The following SLC14A2 variants were observed in gnomAD, a reference collection of about 807,000 sequenced individuals.
The protein encoded by SLC14A2 is urea transporter 2.
A neutral mutation model predicts 104.6 loss-of-function variants in SLC14A2; 91 were observed. The observed-to-expected ratio is 0.87, with a 90% CI of 0.73 to 1.04. SLC14A2 has a LOEUF of 1.04. Among genes scored for constraint, SLC14A2 ranks in the 50% least tolerant of loss-of-function variants. The probability of loss-of-function intolerance (pLI) is 0.00; values close to 1 mark genes in which losing one functional copy is unlikely to be tolerated. For missense variants in SLC14A2, 1,189 were observed against 1,156.0 expected, an observed-to-expected ratio of 1.03 and a Z score of -0.41; for synonymous variants, 476 against 466.4, an observed-to-expected ratio of 1.02 and a Z score of -0.27.
At chr18:45,628,553 G>C (rs1455585537) in intron 4 of SLC14A2, among the ~76,000 whole-genome samples, 2 of 152,064 alleles carry the variant, frequency 1.3e-5, no homozygotes, top group Non-Finnish European at 2.9e-5. Flanking sequence ...CTTTTAACAA[G>C]GTCCTCCTAG....
chr18:45,525,412 T>C (rs536547049), intron 2 of SLC14A2, among the ~76,000 whole-genome samples: 8 of 152,322 alleles, frequency 5.3e-5, no homozygotes, highest in African/African-American at 1.9e-4. Flanking sequence ...GCATCCACCA[T>C]GCATGTCTTG....
intron 7 of SLC14A2, among the ~76,000 whole-genome samples, chr18:45,640,637 AT>A (rs1251755064): frequency 1.3e-5 from 2 of 152,150 alleles, no homozygotes; most frequent in African/African-American, 4.8e-5. Flanking sequence ...TTTTTCAAAG[AT>A]TTTTTTGGAA....
intron 1 of SLC14A2, among the ~76,000 whole-genome samples, chr18:45,425,310 A>G (rs978765429): frequency 1.3e-5 from 2 of 152,210 alleles, no homozygotes; most frequent in Admixed American, 6.5e-5. Flanking sequence ...TTAATTCTAC[A>G]TGGCATGGCT....
Position 45,276,669 on chromosome 18 carries a change from G to A in SLC14A2, c.-125+63478G>A, listed in dbSNP as rs577933183. On this transcript the variant is annotated intron_variant, in intron 1 of 20. Transcript: ENST00000586448. The stretch of plus-strand genomic sequence containing the variant: ...TGAGTTAGAATACAATTTGGAACAA[G>A]CTTAAAGTAAATTGTATTCCTAAGC... Among the ~76,000 whole-genome samples the A allele has an allele frequency of 7.2e-5, 11 of 152,328 alleles. No individual in the cohort carries two copies. In the East Asian group the frequency reaches 1.9e-3, roughly 27 times the overall value.
At chr18:45,497,384 T>C (rs2043116662) in intron 2 of SLC14A2, among the ~76,000 whole-genome samples, 1 of 152,188 alleles carries the variant, frequency 6.6e-6, no homozygotes, top group Non-Finnish European at 1.5e-5. Context: ...ACGTTTCTTA[T>C]CCTGTGTGGG....
chr18:45,442,560 G>A (rs987020675), intron 1 of SLC14A2, among the ~76,000 whole-genome samples: 1 of 151,964 alleles, frequency 6.6e-6, no homozygotes, highest in African/African-American at 2.4e-5. Context: ...AGGTTATGTT[G>A]GATTAGGAGC....
At chr18:45,614,452 T>C (rs1381186874), upstream of SLC14A2, among the ~76,000 whole-genome samples, 1 of 152,044 alleles carries the variant, frequency 6.6e-6, no homozygotes, top group Non-Finnish European at 1.5e-5. Context: ...GACCCCAGAA[T>C]GGTAAATCCA....
In SLC14A2 at chr18:45,627,157, T is replaced by C. The variant is rs755329392; in HGVS notation, c.521+10T>C. 8.1e-6 allele frequency: 13 copies of C among 1,611,872 alleles called. No individual in the cohort carries two copies. The highest frequency in any genetic ancestry group is 2.2e-5 in the South Asian group (2 of 90,954). On this transcript the variant is annotated intron_variant, in intron 4 of 19. Transcript: ENST00000255226. ...CCTTGGGCCAAGACAGGTGGGTCCC[T>C]CTCTATAGGGATTTTAGCAAGATGT...
Position 45,639,738 on chromosome 18 carries a change from C to T in SLC14A2, c.844-8C>T. 6.2e-7 allele frequency: 1 copy of T among 1,613,300 alleles called. No individual in the cohort carries two copies. The highest frequency in any genetic ancestry group is 8.5e-7 in the Non-Finnish European group (1 of 1,179,792). ...GCTCCAGTGACCTGTATTCTGTTAA[C>T]TTTGCAGCTGTTACAAGCCATCCCT... On this transcript the variant is annotated splice_polypyrimidine_tract_variant and splice_region_variant and intron_variant, in intron 6 of 19. Transcript: ENST00000255226.
intron 1 of SLC14A2, among the ~76,000 whole-genome samples, chr18:45,618,232 G>A (rs1230498072): frequency 6.6e-6 from 1 of 152,184 alleles, no homozygotes; most frequent in South Asian, 2.1e-4. Flanking sequence ...TGGTTCTAAG[G>A]TTGTAGAAAT....
At chr18:45,255,706 G>T (rs1028093493) in intron 1 of SLC14A2, among the ~76,000 whole-genome samples, 1 of 152,184 alleles carries the variant, frequency 6.6e-6, no homozygotes, top group Non-Finnish European at 1.5e-5. Context: ...ACATTCCACA[G>T]GTCTGAGATT....
At chr18:45,295,024 C>T (rs1205110811) in intron 1 of SLC14A2, among the ~76,000 whole-genome samples, 6 of 152,192 alleles carry the variant, frequency 3.9e-5, no homozygotes, top group Non-Finnish European at 8.8e-5. Context: ...CATTTACATA[C>T]ATCGATTACC....
At chr18:45,266,173 C>T (rs947066369) in intron 1 of SLC14A2, among the ~76,000 whole-genome samples, 2 of 152,074 alleles carry the variant, frequency 1.3e-5, no homozygotes, top group African/African-American at 4.8e-5. Flanking sequence ...GCTGTGCATC[C>T]TGAGGAGTGT....
Position 45,273,763 on chromosome 18 carries a change from G to T in SLC14A2, c.-125+60572G>T, listed in dbSNP as rs1050310473. ...TGAATCCAATGTGTTAGCACAGATTGTACTTTGGGTGACACAAAATTCTCT... is the reference window on the plus strand; with the variant it reads ...TGAATCCAATGTGTTAGCACAGATTTTACTTTGGGTGACACAAAATTCTCT... On this transcript the variant is annotated intron_variant, in intron 1 of 20. Transcript: ENST00000586448. Among the ~76,000 whole-genome samples the T allele has an allele frequency of 5.3e-5, 8 of 152,264 alleles. 1 individual carries two copies. The highest frequency in any genetic ancestry group is 1.9e-4 in the African/African-American group (8 of 41,540).
At chr18:45,412,279 T>C (rs1382528317) in intron 1 of SLC14A2, among the ~76,000 whole-genome samples, 3 of 152,210 alleles carry the variant, frequency 2.0e-5, no homozygotes, top group African/African-American at 4.8e-5. Context: ...TGTTTTATCC[T>C]GGGAAATCAG....
intron 2 of SLC14A2, among the ~76,000 whole-genome samples, chr18:45,523,675 T>G (rs999551060): frequency 5.9e-5 from 9 of 152,018 alleles, no homozygotes; most frequent in African/African-American, 2.2e-4. Flanking sequence ...CTCCCCTGTC[T>G]TTGGAGACCC....
intron 4 of SLC14A2, among the ~76,000 whole-genome samples, chr18:45,627,722 A>G (rs1207666422): frequency 1.3e-5 from 2 of 152,180 alleles, no homozygotes. Context: ...AGTAACAATA[A>G]CAAGGGCCAG....
intron 1 of SLC14A2, among the ~76,000 whole-genome samples, chr18:45,441,441 A>T (rs912918438): frequency 6.6e-6 from 1 of 152,190 alleles, no homozygotes; most frequent in Non-Finnish European, 1.5e-5. Flanking sequence ...ATTACCCAGG[A>T]CCGCCATGGA....
At position 45,625,690 on chromosome 18, in the gene SLC14A2, G is replaced by A. The variant is rs145237117; in HGVS notation, c.158G>A (p.Arg53Gln). 107 of 1,544,786 alleles carry A rather than the reference G, an allele frequency of 6.9e-5. No individual in the cohort carries two copies. Among genetic ancestry groups the A allele is most frequent in the Middle Eastern group, 1.7e-4 (1 of 5,902 alleles). The stretch of plus-strand genomic sequence containing the variant: ...GTTGGTTTCTCCTAAAAGGATCTCC[G>A]GTCTTCCAATGAAGACAGTCACATT... ...LLEMPEEKDL[R>Q]SSNEDSHIVK... Residue 53 changes from arginine (R) to glutamine (Q), a missense_variant, in exon 3 of 20, where the codon CGG (arginine) becomes CAG (glutamine). Physicochemically the swap from Arg to Gln is conservative, Grantham distance 43 (BLOSUM62 1). Coordinates refer to ENST00000255226, the MANE Select transcript of SLC14A2 (RefSeq NM_007163.4).
Sources: gnomAD v4.1 joint callset for allele counts (sites outside exome capture counted in the v4.1 genomes callset) on GRCh38, gnomAD v4.1.1 for gene constraint, MANE v1.5 for transcripts, NCBI Gene and HGNC (gene_info 2026-07-23, HGNC 2026-07-21) for gene names.